Variants in FHAD1 observed in about 807,000 individuals in gnomAD.
FHAD1 encodes the protein forkhead associated phosphopeptide binding domain 1, also known as forkhead-associated domain-containing protein 1.
FHAD1 carries 146 observed loss-of-function variants against 191.3 expected under a neutral mutation model. The ratio of observed to expected loss-of-function variants is 0.76; its 90% CI spans 0.67 to 0.88. The LOEUF (loss-of-function observed/expected upper bound fraction) is 0.88. Ranked by LOEUF, FHAD1 falls within the 40% of genes least tolerant of loss-of-function variation. FHAD1 has a pLI of 0.00. For missense variants in FHAD1, 1,635 were observed against 1,785.8 expected (o/e 0.92, Z 1.52); for synonymous variants, 616 against 672.3 (o/e 0.92, Z 1.29).
upstream of FHAD1, among the ~76,000 whole-genome samples, chr1:15,242,409 G>A (rs990375711): frequency 4.6e-5 from 7 of 152,138 alleles, no homozygotes; most frequent in African/African-American, 1.7e-4. Flanking sequence ...AAATAAAACT[G>A]TGCATGACAT....
chr1:15,373,829 G>A (rs1241550377), intron 26 of FHAD1, among the ~76,000 whole-genome samples: 1 of 152,182 alleles, frequency 6.6e-6, no homozygotes, highest in Non-Finnish European at 1.5e-5. Context: ...CTGGGCAACA[G>A]AGCAAGACCC....
Position 15,272,241 on chromosome 1 carries a change from A to C in FHAD1, c.94-82A>C, listed in dbSNP as rs75691797. 6,050 of 1,301,172 alleles carry C rather than the reference A, an allele frequency of 4.6e-3. 225 individuals are homozygous for C. In the East Asian group the frequency reaches 0.091, roughly 20 times the overall value. 80.6% of individuals were successfully genotyped at this position (1,301,172 alleles called of 1,614,324 possible). On this transcript the variant is annotated intron_variant, in intron 2 of 33. Transcript: ENST00000688493. ...CGTGATGATCTGGCGGCGGCAAAAC[A>C]GGTAAGGCACTCAGCTCAAAACATT...
At chr1:15,324,859 G>T in intron 11 of FHAD1, 1 of 430,386 alleles carries the variant, frequency 2.3e-6, no homozygotes, top group Non-Finnish European at 4.3e-6. Flanking sequence ...TGCCCCCAGT[G>T]GTGTTTCTAG....
At chr1:15,251,630 C>T in intron 1 of FHAD1, 141 bp from the exon 2 acceptor site, 1 of 620,992 alleles carries the variant, frequency 1.6e-6, no homozygotes, top group African/African-American at 1.9e-5. Context: ...TCATTGTTGA[C>T]TGATCTATCT....
At chr1:15,348,087 C>G (rs867929665) in intron 18 of FHAD1, among the ~76,000 whole-genome samples, 1 of 152,226 alleles carries the variant, frequency 6.6e-6, no homozygotes, top group African/African-American at 2.4e-5. Context: ...CCCTGAAACC[C>G]ACTTCAAAGG....
intron 32 of FHAD1, 33 bp from the exon 33 acceptor site, chr1:15,391,177 C>G (rs1046531706): frequency 1.9e-5 from 23 of 1,198,060 alleles, no homozygotes; most frequent in Middle Eastern, 2.2e-4. Context: ...GGAATCTAAG[C>G]TAGATTTTGT....
chr1:15,337,591 G>A (rs1457930524), intron 14 of FHAD1, among the ~76,000 whole-genome samples: 1 of 152,092 alleles, frequency 6.6e-6, no homozygotes, highest in Admixed American at 6.5e-5. Flanking sequence ...GCATCCAGTG[G>A]GTAGAGACCA....
intron 3 of FHAD1, among the ~76,000 whole-genome samples, chr1:15,284,403 C>T (rs932790953): frequency 1.3e-5 from 2 of 148,794 alleles, no homozygotes; most frequent in South Asian, 2.1e-4. Context: ...GGCATGAACC[C>T]GTGAGGCGGA....
chr1:15,380,943 T>C, intron 29 of FHAD1, 147 bp downstream of exon 29: 1 of 658,482 alleles, frequency 1.5e-6, no homozygotes, highest in Non-Finnish European at 2.6e-6. Flanking sequence ...TATCCCAGCA[T>C]GGGTCAGGAA....
At chr1:15,285,258 G>A (rs1046721554) in intron 3 of FHAD1, among the ~76,000 whole-genome samples, 7 of 152,200 alleles carry the variant, frequency 4.6e-5, no homozygotes, top group African/African-American at 9.6e-5. Flanking sequence ...AATGCCGGGC[G>A]CTGTGGCTCA....
At chr1:15,265,917 G>GC (rs1477509379) in intron 2 of FHAD1, among the ~76,000 whole-genome samples, 6 of 135,830 alleles carry the variant, frequency 4.4e-5, no homozygotes, top group African/African-American at 1.4e-4. Flanking sequence ...GTTGCAGTGA[G>GC]CCAGGATTGC....
chr1:15,357,947 T>C (rs1570149266), intron 20 of FHAD1, 163 bp from the exon 21 acceptor site: 1 of 565,406 alleles, frequency 1.8e-6, no homozygotes, highest in Non-Finnish European at 3.1e-6. Flanking sequence ...AGTTCTATAA[T>C]AATTGGAACC....
chr1:15,238,955 AG>A (rs1305589293), intron 1 of FHAD1, among the ~76,000 whole-genome samples: 8 of 152,320 alleles, frequency 5.3e-5, no homozygotes, highest in South Asian at 2.1e-4. Flanking sequence ...TCACCCAGGC[AG>A]GAGTGCAGTG....
chr1:15,295,259 A>G (rs939816832), intron 4 of FHAD1, among the ~76,000 whole-genome samples: 2 of 152,082 alleles, frequency 1.3e-5, no homozygotes, highest in Non-Finnish European at 2.9e-5. Context: ...ATGTCATGTC[A>G]CTAGTTGTTA....
At chr1:15,383,764 G>C (rs1381107462) in intron 31 of FHAD1, 2 of 331,892 alleles carry the variant, frequency 6.0e-6, no homozygotes, top group Non-Finnish European at 1.2e-5. Context: ...GCTTATTAAT[G>C]CCTCTAATAG....
Position 15,280,084 on chromosome 1 carries a change from T to G in FHAD1, c.300+7555T>G, listed in dbSNP as rs114571320. ...GGTGTATGATGAGAAGGACACAGAGTTGGGGGTTTAGTCATCCATCCCAGG... is the reference window on the plus strand; with the variant it reads ...GGTGTATGATGAGAAGGACACAGAGGTGGGGGTTTAGTCATCCATCCCAGG... On this transcript the variant is annotated intron_variant, in intron 3 of 33. Coordinates refer to ENST00000688493, the MANE Select transcript of FHAD1 (RefSeq NM_001391957.1). Among the ~76,000 whole-genome samples the G allele has an allele frequency of 2.7e-3, 403 of 151,934 alleles. 1 individual carries two copies. The highest frequency in any genetic ancestry group is 9.3e-3 in the African/African-American group (384 of 41,426).
At chr1:15,348,996 C>A in intron 18 of FHAD1, 46 bp from the exon 19 acceptor site, 2 of 1,143,122 alleles carry the variant, frequency 1.7e-6, no homozygotes, top group Non-Finnish European at 2.5e-6. Flanking sequence ...AGCAATTTCC[C>A]CCCTAAATGT....
chr1:15,373,761 C>T lies in FHAD1; in HGVS notation c.3448-741C>T, dbSNP rs35634099. ...GTTCCAGCTGCAGAGCTGGAAGGAT[C>T]GCTTGAGCGCAGAGGTAGAGGCTAC... On this transcript the variant is annotated intron_variant, in intron 26 of 33. Coordinates refer to ENST00000688493, the MANE Select transcript of FHAD1 (RefSeq NM_001391957.1). Among the ~76,000 whole-genome samples, 5 of 152,170 alleles carry T rather than the reference C, an allele frequency of 3.3e-5. No homozygotes were observed. In the South Asian group the frequency reaches 8.3e-4, roughly 25 times the overall value.
rs1201401159 is a variant in FHAD1, at chr1:15,317,912, T to G, written c.1349T>G (p.Leu450Arg). ...CTEQSVISRT[L>R]REKSKVEEKL... is the part of the protein sequence containing the mutation. ...GAACAAAGCGTGATCTCTAGGACTC[T>G]GAGAGAAAAAAGCAAGGTACGTAGT... The change falls in exon 10 of 34, where the codon CTG becomes CGG. Residue 450 changes from leucine to arginine, a missense_variant. Coordinates refer to ENST00000688493, the MANE Select transcript of FHAD1 (RefSeq NM_001391957.1). 6.4e-7 allele frequency: 1 copy of G among 1,551,140 alleles called. No individual in the cohort carries two copies. Among genetic ancestry groups the G allele is most frequent in the Non-Finnish European group, 8.7e-7 (1 of 1,146,512 alleles).
Sources: allele counts gnomAD v4.1 joint callset (sites outside exome capture counted in the v4.1 genomes callset), GRCh38; gene constraint gnomAD v4.1.1; transcripts MANE v1.5; gene names NCBI Gene and HGNC (gene_info 2026-07-23, HGNC 2026-07-21).